ZNF418: variants seen among roughly 807,000 people sequenced by gnomAD.
The protein encoded by ZNF418 is zinc finger protein 418.
In ZNF418, 32 loss-of-function variants were observed where a neutral mutation model predicts 32.0. The ratio of observed to expected loss-of-function variants is 1.00; its 90% CI spans 0.75 to 1.34. The LOEUF (loss-of-function observed/expected upper bound fraction) is 1.34. Among genes scored for constraint, ZNF418 ranks in the 40% most tolerant of loss-of-function variants. The probability of loss-of-function intolerance (pLI) is 0.00; values close to 1 mark genes in which losing one functional copy is unlikely to be tolerated. For synonymous variants in ZNF418, 276 were observed against 270.7 expected, an observed-to-expected ratio of 1.02 and a Z score of -0.19; for missense variants, 804 against 812.5, an observed-to-expected ratio of 0.99 and a Z score of 0.13.
At chr19:57,928,422 GC>G (rs570267458) in intron 3 of ZNF418, among the ~76,000 whole-genome samples, 136 of 152,206 alleles carry the variant, frequency 8.9e-4, no homozygotes, top group African/African-American at 3.3e-3. Context: ...ACAGGCACAG[GC>G]CAATACGCCC....
At chr19:57,935,088 A>G in intron 1 of ZNF418, 73 bp downstream of exon 1, 2 of 1,309,880 alleles carry the variant, frequency 1.5e-6, no homozygotes, top group African/African-American at 1.5e-5. Flanking sequence ...ACCTGTGAAC[A>G]GTCGCCGCTC....
intron 4 of ZNF418, among the ~76,000 whole-genome samples, chr19:57,924,265 G>A (rs554650495): frequency 6.6e-6 from 1 of 152,156 alleles, no homozygotes; most frequent in Non-Finnish European, 1.5e-5. Flanking sequence ...ATACTGATAA[G>A]CCAGGAAGGC....
At position 57,926,208 on chromosome 19, in the gene ZNF418, C is replaced by G. The variant is rs373108176; in HGVS notation, c.1973G>C (p.Arg658Pro). Residue 658 changes from arginine to proline, a missense_variant, in exon 4 of 6, where the codon CGA (arginine) becomes CCA (proline). Around this residue, in one of 3 missense-constraint regions of ZNF418, gnomAD observed 475 missense variants for 458.6 expected, o/e 1.04. Coordinates refer to ENST00000396147, the MANE Select transcript of ZNF418 (RefSeq NM_133460.3). ...ECSECGKSFH[R>P]SSSLLRHQRV... ...CTGATGTCGAAGGAGAGAAGAGCTT[C>G]GATGAAATGATTTTCCACATTCACT... 2 of 1,613,760 alleles carry G rather than the reference C, an allele frequency of 1.2e-6. No homozygotes were observed. The highest frequency in any genetic ancestry group is 1.7e-6 in the Non-Finnish European group (2 of 1,179,842).
At chr19:57,933,140 A>T (rs1568553630) in intron 2 of ZNF418, among the ~76,000 whole-genome samples, 1 of 152,202 alleles carries the variant, frequency 6.6e-6, no homozygotes, top group Non-Finnish European at 1.5e-5. Context: ...AACATGGTCA[A>T]AACAACATTC....
Position 57,927,033 on chromosome 19 carries a change from C to T in ZNF418, c.1148G>A (p.Gly383Asp), listed in dbSNP as rs865844960. 2 of 1,613,928 alleles carry T rather than the reference C, an allele frequency of 1.2e-6. No homozygotes were observed. Among genetic ancestry groups the T allele is most frequent in the African/African-American group, 2.7e-5 (2 of 74,922 alleles). Residue 383 changes from glycine to aspartate, a missense_variant, in exon 4 of 6, where the codon GGC becomes GAC. Gly to Asp is a moderately conservative substitution (Grantham distance 94). Transcript: ENST00000396147. ...EECGKCFSQK[G>D]TLTEHHRVHT... ...AACTCGATGATGTTCAGTTAGGGTG[C>T]CCTTTTGACTAAAACATTTTCCACA... is the stretch of plus-strand genomic sequence containing the variant.
intron 2 of ZNF418, 147 bp from the exon 3 acceptor site, chr19:57,930,701 C>A: frequency 8.5e-7 from 1 of 1,181,682 alleles, no homozygotes; most frequent in Non-Finnish European, 1.2e-6. Flanking sequence ...GCCTTTGTCT[C>A]TTCGTGGGCC....
intron 3 of ZNF418, 83 bp from the exon 4 acceptor site, chr19:57,928,130 A>T: frequency 8.6e-7 from 1 of 1,165,034 alleles, no homozygotes; most frequent in Non-Finnish European, 1.2e-6. Flanking sequence ...TGACAAACCA[A>T]GGAATTACTC....
chr19:57,929,353 C>T (rs1330340061), intron 3 of ZNF418, among the ~76,000 whole-genome samples: 1 of 152,264 alleles, frequency 6.6e-6, no homozygotes, highest in Non-Finnish European at 1.5e-5. Context: ...CTGAGAACAT[C>T]AGGCTGAGCC....
intron 3 of ZNF418, 129 bp downstream of exon 3, chr19:57,930,299 C>T (rs2072431150): frequency 7.0e-7 from 1 of 1,435,800 alleles, no homozygotes; most frequent in African/African-American, 1.4e-5. Context: ...ACCACAAAAC[C>T]TACCCAGAGA....
At chr19:57,929,294 C>G (rs914277884) in intron 3 of ZNF418, among the ~76,000 whole-genome samples, 7 of 152,240 alleles carry the variant, frequency 4.6e-5, no homozygotes, top group African/African-American at 1.4e-4. Flanking sequence ...AAGAAAATCT[C>G]GAACTCATGC....
intron 3 of ZNF418, 109 bp from the exon 4 acceptor site, chr19:57,928,156 AG>A (rs2072328556): frequency 2.1e-6 from 2 of 966,784 alleles, no homozygotes; most frequent in East Asian, 2.5e-5. Context: ...AAATATTTGC[AG>A]GAACAGAAAG....
intron 2 of ZNF418, 97 bp downstream of exon 2, chr19:57,933,720 C>CA (rs559542066): frequency 0.013 from 15,296 of 1,176,748 alleles, 18 homozygotes; most frequent in South Asian, 0.04. Flanking sequence ...GACTCCCGCT[C>CA]AAAAAAAAAA....
In ZNF418 at chr19:57,927,198, G is replaced by T; in HGVS notation, c.983C>A (p.Thr328Asn). 1 of 1,605,832 alleles carries T rather than the reference G, an allele frequency of 6.2e-7. No homozygotes were observed. Among genetic ancestry groups the T allele is most frequent in the Non-Finnish European group, 8.5e-7 (1 of 1,177,684 alleles). ...ECGKSFSQNG[T>N]LIKHQRVHTG... ...GTGAACTCGTTGATGTTTAATGAGA[G>T]TACCATTTTGACTAAAAGATTTCCC... The change falls in exon 4 of 6, where the codon ACT becomes AAT. Residue 328 changes from threonine to asparagine, a missense_variant. Coordinates refer to ENST00000396147, the MANE Select transcript of ZNF418 (RefSeq NM_133460.3).
chr19:57,934,468 G>A (rs1180373490), intron 1 of ZNF418, among the ~76,000 whole-genome samples: 1 of 152,096 alleles, frequency 6.6e-6, no homozygotes, highest in Non-Finnish European at 1.5e-5. Context: ...CGCCCGCCTC[G>A]GCCTCCCAAA....
intron 4 of ZNF418, 61 bp from the exon 5 acceptor site, chr19:57,923,350 A>T (rs1395336043): frequency 6.6e-6 from 1 of 151,864 alleles, no homozygotes; most frequent in Non-Finnish European, 1.5e-5. Flanking sequence ...TTCATTGCAG[A>T]CGGGAGTATT....
rs7245442 is a variant in ZNF418, at chr19:57,926,315, G to A, written c.1866C>T (p.Ser622=). 0.011 allele frequency: 18,215 copies of A among 1,607,066 alleles called. 1,053 individuals carry two copies. The African/African-American group carries it at 0.16, about 14-fold the overall frequency. Residue 622 remains serine, a synonymous_variant, in exon 4 of 6, where the codon AGC becomes AGT. Transcript: ENST00000396147. ...TTTCAGCAAAGGATTTCCCACATTC[G>A]CTGCACTCGTAAGGCTTTCCTCGAG... ...LHTRGKPYEC[S]ECGKSFAETF... is the part of the protein sequence containing the mutation.
At chr19:57,934,670 C>T (rs1423355960) in intron 1 of ZNF418, 2 of 179,982 alleles carry the variant, frequency 1.1e-5, no homozygotes, top group East Asian at 2.7e-4. Context: ...TGTCTCAGTG[C>T]AAAATGTCAT....
intron 2 of ZNF418, chr19:57,932,457 A>C: frequency 6.5e-7 from 1 of 1,535,464 alleles, no homozygotes; most frequent in Non-Finnish European, 8.7e-7. Flanking sequence ...TCCCAATAGC[A>C]ATGCAGTCCC....
rs544487954 is a variant in ZNF418, at chr19:57,934,201, G to A, written c.-80-299C>T. 7.9e-6 allele frequency: 9 copies of A among 1,132,392 alleles called. No homozygotes were observed. The East Asian group carries it at 4.9e-4, about 62-fold the overall frequency. 70.1% of individuals were successfully genotyped at this position (1,132,392 alleles called of 1,614,324 possible). A position where few individuals can be genotyped will look rare whatever the true frequency, so the allele number is the denominator to read the frequency against. ...TGAATGGGGAATAAGGCCAGTGAGG[G>A]AATGGAACACCCTCTAATTCCCTCT... On this transcript the variant is annotated intron_variant, in intron 1 of 5. Coordinates refer to ENST00000396147, the MANE Select transcript of ZNF418 (RefSeq NM_133460.3).
Sources: gnomAD v4.1 joint callset for allele counts (sites outside exome capture counted in the v4.1 genomes callset) on GRCh38, gnomAD v4.1.1 for gene constraint, gnomAD v4.1.1 regional missense constraint, MANE v1.5 for transcripts, NCBI Gene and HGNC (gene_info 2026-07-23, HGNC 2026-07-21) for gene names.